FANCD2: variants seen among roughly 807,000 people sequenced by gnomAD.
The protein encoded by FANCD2 is FA complementation group D2, also known as Fanconi anemia group D2 protein.
In FANCD2, 131 loss-of-function variants were observed where a neutral mutation model predicts 192.3. The ratio of observed to expected loss-of-function variants is 0.68; its 90% confidence interval spans 0.59 to 0.79. FANCD2 has a LOEUF of 0.79. Ranked by LOEUF, FANCD2 falls within the 30% of genes least tolerant of loss-of-function variation. The pLI, the probability that FANCD2 is intolerant of heterozygous loss-of-function variation, is 0.00. For missense variants in FANCD2, 1,508 were observed against 1,701.6 expected, an observed-to-expected ratio of 0.89 and a Z score of 2.00; for synonymous variants, 524 against 612.5, an observed-to-expected ratio of 0.86 and a Z score of 2.13.
At chr3:10,087,339 G>A (rs2125073700) in intron 34 of FANCD2, 75 bp downstream of exon 34, 1 of 1,417,048 alleles carries the variant, frequency 7.1e-7, no homozygotes, top group Non-Finnish European at 9.5e-7. Context: ...CAAACTTTGG[G>A]CTTCCCAGGA....
chr3:10,039,815 C>T lies in FANCD2; in HGVS notation c.665C>T (p.Ser222Phe). 6.2e-7 allele frequency: 1 copy of T among 1,613,916 alleles called. No individual in the cohort carries two copies. The change falls in exon 9 of 44, where the codon TCC becomes TTC. Residue 222 changes from serine to phenylalanine, a missense_variant. Ser to Phe is a radical substitution (Grantham distance 155). This residue lies in a region of FANCD2 where 435 missense variants were observed against 421.9 expected (regional missense o/e 1.03). Transcript: ENST00000675286. ...AGCCTACCTGAGATCCTAGGGGATT[C>T]CCAGCACGCTGATGTGGGGAAAGAA... ...ITSLPEILGD[S>F]QHADVGKELS...
intron 10 of FANCD2, 65 bp from the exon 11 acceptor site, chr3:10,042,494 A>C: frequency 1.7e-6 from 2 of 1,200,670 alleles, no homozygotes; most frequent in African/African-American, 3.0e-5. Context: ...TTTATCTAAC[A>C]GTTCAGTACA....
intron 7 of FANCD2, among the ~76,000 whole-genome samples, chr3:10,037,003 T>C (rs2086747883): frequency 6.8e-6 from 1 of 146,276 alleles, no homozygotes; most frequent in South Asian, 2.1e-4. Flanking sequence ...GTCCAGCTAA[T>C]TTTCGTGGTT....
At chr3:10,088,658 G>C (rs1694387468) in intron 35 of FANCD2, 116 bp downstream of exon 35, 2 of 1,080,268 alleles carry the variant, frequency 1.9e-6, no homozygotes, top group South Asian at 2.6e-5. Flanking sequence ...CAATGAAGTA[G>C]GTTAAAAATG....
intron 18 of FANCD2, among the ~76,000 whole-genome samples, chr3:10,057,371 C>CTTTCTTTCT (rs2087443516): frequency 7.0e-6 from 1 of 141,864 alleles, no homozygotes; most frequent in African/African-American, 2.6e-5. Context: ...TTCTTTCTTT[C>CTTTCTTTCT]TTTTTTTTTT....
At chr3:10,062,116 T>C in intron 19 of FANCD2, 35 bp from the exon 20 acceptor site, 1 of 1,505,254 alleles carries the variant, frequency 6.6e-7, no homozygotes. Flanking sequence ...ACTTAAAGTA[T>C]AATAATAATT....
At chr3:10,099,733 G>GGGCAACA (rs1283497082) in intron 43 of FANCD2, 1 of 152,366 alleles carries the variant, frequency 6.6e-6, no homozygotes, top group Non-Finnish European at 1.5e-5. Context: ...ACTCCAGCCT[G>GGGCAACA]GGCAACAGAG....
intron 3 of FANCD2, 150 bp downstream of exon 3, chr3:10,033,122 A>G (rs2086643177): frequency 2.6e-6 from 2 of 754,924 alleles, no homozygotes; most frequent in Admixed American, 4.7e-5. Context: ...AGAAAATGGT[A>G]CAGTCAGGCC....
chr3:10,092,911 C>T (rs956086334), intron 38 of FANCD2, among the ~76,000 whole-genome samples: 2 of 151,814 alleles, frequency 1.3e-5, no homozygotes, highest in African/African-American at 4.8e-5. Flanking sequence ...AGGCTGGCCT[C>T]GAACTCCTGG....
chr3:10,045,592 G>A (rs2086982130), intron 14 of FANCD2: 1 of 146,218 alleles, frequency 6.8e-6, no homozygotes, highest in Non-Finnish European at 1.5e-5. Context: ...TTTTCACAAA[G>A]TAATTTTCCT....
chr3:10,083,481 C>G (rs1008370032), intron 32 of FANCD2: 1 of 152,148 alleles, frequency 6.6e-6, no homozygotes, highest in African/African-American at 2.4e-5. Context: ...GGGGACTTTA[C>G]AATGGTACAT....
Position 10,101,439 on chromosome 3 carries a change from G to T in FANCD2, c.*177G>T. The T allele has an allele frequency of 3.6e-6, 2 of 561,858 alleles. No homozygotes were observed. Among genetic ancestry groups the T allele is most frequent in the Non-Finnish European group, 6.3e-6 (2 of 319,152 alleles). The allele number at this position is 561,858 out of a possible 1,614,324, so 34.8% of individuals were successfully genotyped here. ...CTCGCTGTGTTTCCCAGGCTGGAGT[G>T]CAGTGCTGCAATCTTGGCTCACTGC... On this transcript the variant is annotated 3_prime_UTR_variant, in exon 44 of 44. Coordinates refer to ENST00000675286, the MANE Select transcript of FANCD2 (RefSeq NM_001018115.3).
chr3:10,098,595 A>C, intron 42 of FANCD2, 125 bp from the exon 43 acceptor site: 1 of 1,156,018 alleles, frequency 8.7e-7, no homozygotes, highest in Non-Finnish European at 1.2e-6. Context: ...GTTGGTATCC[A>C]TGTTTGCTGT....
At chr3:10,068,850 A>G (rs2087791062) in intron 26 of FANCD2, among the ~76,000 whole-genome samples, 1 of 152,202 alleles carries the variant, frequency 6.6e-6, no homozygotes, top group African/African-American at 2.4e-5. Context: ...TACACCTACA[A>G]TGAACTCATT....
chr3:10,041,687 C>G lies in FANCD2; in HGVS notation c.760C>G (p.Leu254Val), dbSNP rs751774917. The G allele has an allele frequency of 6.2e-7, 1 of 1,613,850 alleles. No individual in the cohort carries two copies. Among genetic ancestry groups the G allele is most frequent in the East Asian group, 2.2e-5 (1 of 44,878 alleles). The change falls in exon 10 of 44, where the codon CTT becomes GTT. Residue 254 changes from leucine to valine, a missense_variant. Around this residue, in one of 5 missense-constraint regions of FANCD2, gnomAD observed 435 missense variants for 421.9 expected, o/e 1.03. Transcript: ENST00000675286. ...PILDVLSSLR[L>V]DPNFLLKVRQ... is the part of the protein sequence containing the mutation. ...CCTGGATGTCCTTTCAAGCCTCCGA[C>G]TTGACCCAAACTTCCTATTGAAGGT... is the stretch of plus-strand genomic sequence containing the variant.
intron 6 of FANCD2, among the ~76,000 whole-genome samples, chr3:10,035,613 G>A (rs970552634): frequency 1.3e-5 from 2 of 151,992 alleles, no homozygotes; most frequent in Non-Finnish European, 2.9e-5. Context: ...CTTTTATTAA[G>A]TAGACAATAC....
chr3:10,054,703 T>G (rs1350226433), intron 18 of FANCD2, among the ~76,000 whole-genome samples: 1 of 150,774 alleles, frequency 6.6e-6, no homozygotes, highest in Admixed American at 6.6e-5. Context: ...CAGGATGGTC[T>G]TGATCTCCTG....
intron 1 of FANCD2, among the ~76,000 whole-genome samples, chr3:10,028,407 G>A (rs545515529): frequency 6.6e-5 from 10 of 152,282 alleles, no homozygotes; most frequent in Admixed American, 2.6e-4. Flanking sequence ...CAGCAACAGC[G>A]AAGTAGTCTG....
chr3:10,049,307 G>A (rs2125005981), intron 16 of FANCD2, 67 bp from the exon 17 acceptor site: 1 of 1,436,282 alleles, frequency 7.0e-7, no homozygotes, highest in Non-Finnish European at 9.7e-7. Context: ...GGCCTTGGGG[G>A]TGAATCCCTT....
Sources: allele counts gnomAD v4.1 joint callset (sites outside exome capture counted in the v4.1 genomes callset), GRCh38; gene constraint gnomAD v4.1.1; regional missense constraint gnomAD v4.1.1; transcripts MANE v1.5; gene names NCBI Gene and HGNC (gene_info 2026-07-23, HGNC 2026-07-21).